The following BBOX1 variants were observed in gnomAD, a reference collection of about 807,000 sequenced individuals.
The protein encoded by BBOX1 is gamma-butyrobetaine dioxygenase.
Under a neutral mutation model 41.6 loss-of-function variants are expected in BBOX1, and 35 were observed. That is an observed-to-expected ratio of 0.84 (90% CI 0.64 to 1.11). The LOEUF (loss-of-function observed/expected upper bound fraction) is 1.11. Ranked by LOEUF, BBOX1 falls within the 50% of genes most tolerant of loss-of-function variation. BBOX1 has a pLI of 0.00. For synonymous variants in BBOX1, 163 were observed against 154.7 expected, an observed-to-expected ratio of 1.05 and a Z score of -0.40; for missense variants, 458 against 460.6, an observed-to-expected ratio of 0.99 and a Z score of 0.05.
At chr11:27,121,078 T>A (rs796980561) in intron 7 of BBOX1, among the ~76,000 whole-genome samples, 1 of 152,126 alleles carries the variant, frequency 6.6e-6, no homozygotes, top group Non-Finnish European at 1.5e-5. Flanking sequence ...GGACGGAAAT[T>A]GCATTATTAA....
chr11:27,049,465 G>C (rs996517888), intron 2 of BBOX1, among the ~76,000 whole-genome samples: 10 of 151,928 alleles, frequency 6.6e-5, no homozygotes, highest in African/African-American at 2.4e-4. Context: ...GGCCACGTTG[G>C]CCTCAAACTC....
In BBOX1 at chr11:27,089,516, A is replaced by G. The variant is rs1858162364; in HGVS notation, c.335-3652A>G. ...TACCTAATTCCATACAACAGTCTACATAGGAATAGAAAATACATTTTTGGA... is the reference window on the plus strand; with the variant it reads ...TACCTAATTCCATACAACAGTCTACGTAGGAATAGAAAATACATTTTTGGA... On this transcript the variant is annotated intron_variant, in intron 4 of 8. Coordinates refer to ENST00000263182, the MANE Select transcript of BBOX1 (RefSeq NM_003986.3). Among the ~76,000 whole-genome samples the G allele has an allele frequency of 2.0e-5, 3 of 152,096 alleles. No homozygotes were observed. The South Asian group carries it at 6.2e-4, about 31-fold the overall frequency.
intron 2 of BBOX1, among the ~76,000 whole-genome samples, chr11:27,052,419 GA>G (rs1856844577): frequency 1.3e-5 from 2 of 151,808 alleles, no homozygotes; most frequent in African/African-American, 2.4e-5. Flanking sequence ...TCTGCTACCT[GA>G]AAAAAATATT....
chr11:27,046,372 C>G (rs555038307), intron 2 of BBOX1: 2 of 151,802 alleles, frequency 1.3e-5, no homozygotes, highest in South Asian at 2.1e-4. Flanking sequence ...AAGTCCCAGA[C>G]AAACTTCTAT....
At chr11:27,099,544 T>C (rs1858567793) in intron 5 of BBOX1, among the ~76,000 whole-genome samples, 1 of 151,922 alleles carries the variant, frequency 6.6e-6, no homozygotes, top group Non-Finnish European at 1.5e-5. Context: ...TAGTAGAAAA[T>C]ATAAATAAAT....
At chr11:27,079,552 G>GA (rs1857759735) in intron 4 of BBOX1, among the ~76,000 whole-genome samples, 1 of 152,004 alleles carries the variant, frequency 6.6e-6, no homozygotes, top group African/African-American at 2.4e-5. Flanking sequence ...AATATCTAAA[G>GA]AAAACAATAT....
chr11:27,115,540 C>T lies in BBOX1; in HGVS notation c.622C>T (p.Leu208Phe). ...AAGCTTTCACACTGATTATCCAGCC[C>T]TCCATCATCCACCTGGGGTAAGTGA... ...KLSFHTDYPA[L>F]HHPPGVQLLH... Residue 208 changes from leucine to phenylalanine, a missense_variant, in exon 6 of 9, where the codon CTC (leucine) becomes TTC (phenylalanine). Physicochemically the swap from Leu to Phe is conservative, Grantham distance 22. Transcript: ENST00000263182. The T allele has an allele frequency of 6.2e-7, 1 of 1,610,034 alleles. No individual in the cohort carries two copies. The highest frequency in any genetic ancestry group is 8.5e-7 in the Non-Finnish European group (1 of 1,177,542).
intron 2 of BBOX1, among the ~76,000 whole-genome samples, chr11:27,046,857 A>G (rs1050033528): frequency 6.6e-6 from 1 of 152,160 alleles, no homozygotes; most frequent in African/African-American, 2.4e-5. Context: ...TCAACAAATC[A>G]TGTTAACATA....
At chr11:27,117,910 G>A (rs1206737114) in intron 6 of BBOX1, among the ~76,000 whole-genome samples, 1 of 151,846 alleles carries the variant, frequency 6.6e-6, no homozygotes, top group Non-Finnish European at 1.5e-5. Flanking sequence ...TTTTTATAGG[G>A]TGACATTTGA....
intron 5 of BBOX1, among the ~76,000 whole-genome samples, chr11:27,101,717 T>C: frequency 6.6e-6 from 1 of 152,252 alleles, no homozygotes; most frequent in East Asian, 1.9e-4. Context: ...AAATTATTTT[T>C]GCAGTTTTAT....
chr11:27,047,259 G>T (rs10835106), intron 2 of BBOX1: 31,345 of 152,094 alleles, frequency 0.21, 4,150 homozygotes, highest in African/African-American at 0.38. Context: ...TGGAAAGAAT[G>T]GTCTCAGGTT....
chr11:27,106,778 AAT>A (rs1858888017), intron 5 of BBOX1, among the ~76,000 whole-genome samples: 2 of 152,188 alleles, frequency 1.3e-5, no homozygotes, highest in Non-Finnish European at 2.9e-5. Flanking sequence ...AAATCAACAG[AAT>A]ATACATTCTT....
intron 4 of BBOX1, among the ~76,000 whole-genome samples, chr11:27,065,167 A>T (rs932214455): frequency 1.3e-5 from 2 of 152,170 alleles, no homozygotes; most frequent in Non-Finnish European, 1.5e-5. Flanking sequence ...GGCAAGATGG[A>T]GGAGGTGGGT....
At chr11:27,124,067 G>A (rs1859559926) in intron 7 of BBOX1, among the ~76,000 whole-genome samples, 1 of 151,932 alleles carries the variant, frequency 6.6e-6, no homozygotes, top group Non-Finnish European at 1.5e-5. Context: ...ATGCACAAGG[G>A]GCCCTGATCA....
chr11:27,111,152 G>A (rs1364214430), intron 5 of BBOX1, among the ~76,000 whole-genome samples: 1 of 151,012 alleles, frequency 6.6e-6, no homozygotes, highest in Non-Finnish European at 1.5e-5. Context: ...TAGACACCAT[G>A]GAATACTACA....
At chr11:27,061,945 T>A (rs1011418922) in intron 4 of BBOX1, among the ~76,000 whole-genome samples, 2 of 152,168 alleles carry the variant, frequency 1.3e-5, no homozygotes, top group African/African-American at 2.4e-5. Context: ...ACTTATCAAG[T>A]CTGAAAGGGA....
Position 27,060,610 on chromosome 11 carries a change from G to A in BBOX1, c.334+3295G>A, listed in dbSNP as rs941415642. On this transcript the variant is annotated intron_variant, in intron 4 of 8. Transcript: ENST00000263182. ...TCTTAAACATGTGTGGTAACTCTCC[G>A]TGGCTTTAAATGAGACTTATGACAC... Among the ~76,000 whole-genome samples, 7 of 152,114 alleles carry A rather than the reference G, an allele frequency of 4.6e-5. No individual in the cohort carries two copies. The East Asian group carries it at 9.6e-4, about 21-fold the overall frequency.
chr11:27,080,441 T>A (rs1857796925), intron 4 of BBOX1, among the ~76,000 whole-genome samples: 1 of 152,102 alleles, frequency 6.6e-6, no homozygotes. Flanking sequence ...TTGGGCACTT[T>A]CCATGGATTG....
rs1459422645 is a variant in BBOX1, at chr11:27,057,063, T to TAAAA, written c.220-138_220-137insAAAA. ...CCTGGCAACAGAGGAAGACTCCGACTTAAAAAAAAAAAAAAAAAAAAATTA... is the reference window on the plus strand; with the variant it reads ...CCTGGCAACAGAGGAAGACTCCGACTAAAATAAAAAAAAAAAAAAAAAAAAATTA... On this transcript the variant is annotated intron_variant, in intron 3 of 8. Transcript: ENST00000263182. 2.7e-3 allele frequency: 410 copies of TAAAA among 149,740 alleles called. 25 individuals carry two copies. The highest frequency in any genetic ancestry group is 0.014 in the African/African-American group (226 of 15,850). The allele number at this position is 149,740 out of a possible 1,614,324, so 9.3% of individuals were successfully genotyped here.
Sources: gnomAD v4.1 joint callset for allele counts (sites outside exome capture counted in the v4.1 genomes callset) on GRCh38, gnomAD v4.1.1 for gene constraint, MANE v1.5 for transcripts, NCBI Gene and HGNC (gene_info 2026-07-23, HGNC 2026-07-21) for gene names.